TMEM179: variants seen among roughly 807,000 people sequenced by gnomAD.
TMEM179 encodes the protein transmembrane protein 179, also known as transmembrane protein 179A.
TMEM179 carries 17 observed loss-of-function variants against 22.2 expected under a neutral mutation model. The ratio of observed to expected loss-of-function variants is 0.77; its 90% confidence interval spans 0.52 to 1.15. TMEM179 has a LOEUF of 1.15. TMEM179 is among the 50% of genes most tolerant of loss of function. The pLI, the probability that TMEM179 is intolerant of heterozygous loss-of-function variation, is 0.00. For missense variants in TMEM179, 265 were observed against 313.6 expected (o/e 0.84, Z 1.17); for synonymous variants, 127 against 140.5 (o/e 0.90, Z 0.68).
Position 104,597,744 on chromosome 14 carries a change from C to T in TMEM179, c.306-617G>A, listed in dbSNP as rs760497234. Among the ~76,000 whole-genome samples the T allele has an allele frequency of 3.9e-5, 6 of 152,194 alleles. No individual in the cohort carries two copies. The highest frequency in any genetic ancestry group is 5.9e-5 in the Non-Finnish European group (4 of 68,040). ...GACCTCTAGCCTCCGGAAGTGTGAG[C>T]AGTAAATGCCTGTTGTTTACAAGAC... On this transcript the variant is annotated intron_variant, in intron 1 of 3. Coordinates refer to ENST00000556573, the MANE Select transcript of TMEM179 (RefSeq NM_001286389.2). This position sits in a 1 kb window ranked among gnomAD's most constrained non-coding sequence, Gnocchi z 4.8.
chr14:104,590,911 C>T lies in TMEM179; in HGVS notation c.*2568G>A. 1 of 164,516 alleles carries T rather than the reference C, an allele frequency of 6.1e-6. No individual in the cohort carries two copies. The highest frequency in any genetic ancestry group is 1.3e-5 in the Non-Finnish European group (1 of 74,756). 10.2% of individuals were successfully genotyped at this position (164,516 alleles called of 1,614,324 possible). A position where few individuals can be genotyped will look rare whatever the true frequency, so the allele number is the denominator to read the frequency against. ...CAGTTTAGCCAGAGTGGAATTAGAA[C>T]AGGGATATCATTAACAGCCAGCCAG... On this transcript the variant is annotated 3_prime_UTR_variant, in exon 4 of 4. Coordinates refer to ENST00000556573, the MANE Select transcript of TMEM179 (RefSeq NM_001286389.2).
At chr14:104,593,939 C>T in intron 3 of TMEM179, 1 of 909,434 alleles carries the variant, frequency 1.1e-6, no homozygotes, top group South Asian at 5.4e-5. Context: ...TCACTCCAGG[C>T]CGGCCAGAGG....
intron 3 of TMEM179, chr14:104,594,480 C>A (rs1424752844): frequency 8.1e-7 from 1 of 1,231,838 alleles, no homozygotes; most frequent in Non-Finnish European, 1.0e-6. Context: ...TCATCTGCCT[C>A]ATCTCCGTCT....
intron 1 of TMEM179, among the ~76,000 whole-genome samples, chr14:104,603,149 T>G (rs1887294460): frequency 6.6e-6 from 1 of 152,108 alleles, no homozygotes; most frequent in African/African-American, 2.4e-5. Flanking sequence ...GGATTCTCAT[T>G]CCTCCTCCAG....
At chr14:104,600,077 G>C (rs1221778390) in intron 1 of TMEM179, among the ~76,000 whole-genome samples, 1 of 152,220 alleles carries the variant, frequency 6.6e-6, no homozygotes. Flanking sequence ...CCCCAGGCTG[G>C]GGCCGCTGCC....
At position 104,597,109 on chromosome 14, in the gene TMEM179, G is replaced by A. The variant is rs774591014; in HGVS notation, c.324C>T (p.Phe108=). The A allele has an allele frequency of 3.1e-6, 5 of 1,600,510 alleles. No homozygotes were observed. The highest frequency in any genetic ancestry group is 4.3e-6 in the Non-Finnish European group (5 of 1,174,576). ...KGHEGSFFSA[F]LNLLVSAFVV... The stretch of plus-strand genomic sequence containing the variant: ...CGAAGGCGCTGACCAGGAGGTTCAG[G>A]AAGGCGGAGAAGAAGGAGCTGCAGC... The change falls in exon 2 of 4, where the codon TTC becomes TTT. Residue 108 remains phenylalanine, a synonymous_variant. Coordinates refer to ENST00000556573, the MANE Select transcript of TMEM179 (RefSeq NM_001286389.2). The surrounding 1 kb of genome is among the most constrained non-coding windows in gnomAD (Gnocchi z 4.8).
Position 104,604,365 on chromosome 14 carries a change from TCC to T in TMEM179, c.305+70_305+71del. The T allele has an allele frequency of 7.1e-7, 1 of 1,400,446 alleles. No individual in the cohort carries two copies. Among genetic ancestry groups the T allele is most frequent in the Non-Finnish European group, 9.3e-7 (1 of 1,080,536 alleles). The allele number at this position is 1,400,446 out of a possible 1,614,324, so 86.8% of individuals were successfully genotyped here. A position where few individuals can be genotyped will look rare whatever the true frequency, so the allele number is the denominator to read the frequency against. On this transcript the variant is annotated intron_variant, in intron 1 of 3. Coordinates refer to ENST00000556573, the MANE Select transcript of TMEM179 (RefSeq NM_001286389.2). This position sits in a 1 kb window ranked among gnomAD's most constrained non-coding sequence, Gnocchi z 4.6. ...TGAGAGACGGAGGGACTCGCGCGCC[TCC>T]CCGGGGAGGTGGGTCTGGGGGCGCT... is the stretch of plus-strand genomic sequence containing the variant.
intron 1 of TMEM179, among the ~76,000 whole-genome samples, chr14:104,601,022 G>A (rs1280029312): frequency 1.3e-5 from 2 of 152,208 alleles, no homozygotes; most frequent in South Asian, 2.1e-4. Flanking sequence ...AGTGGCCGTC[G>A]ATGGCCCTGA....
Position 104,597,090 on chromosome 14 carries a change from C to T in TMEM179, c.343G>A (p.Ala115Thr), listed in dbSNP as rs776030316. The T allele has an allele frequency of 1.6e-5, 25 of 1,606,148 alleles. No homozygotes were observed. Among genetic ancestry groups the T allele is most frequent in the East Asian group, 9.0e-5 (4 of 44,652 alleles). The change falls in exon 2 of 4, where the codon GCC (alanine) becomes ACC (threonine). Residue 115 changes from alanine to threonine, a missense_variant. By Grantham distance (58) the Ala-to-Thr change is moderately conservative. Transcript: ENST00000556573. This position sits in a 1 kb window ranked among gnomAD's most constrained non-coding sequence, Gnocchi z 4.8. ...ATGAAGACCAGGAAGACCACGAAGG[C>T]GCTGACCAGGAGGTTCAGGAAGGCG... The part of the protein sequence containing the change: ...FSAFLNLLVS[A>T]FVVFLVFIAS...
In TMEM179 at chr14:104,593,336, A is replaced by T. The variant is rs1478044645; in HGVS notation, c.*143T>A. 9.7e-7 allele frequency: 1 copy of T among 1,026,984 alleles called. No individual in the cohort carries two copies. Among genetic ancestry groups the T allele is most frequent in the Non-Finnish European group, 1.4e-6 (1 of 706,624 alleles). 63.6% of individuals were successfully genotyped at this position (1,026,984 alleles called of 1,614,324 possible). ...AGGTGGGCACTGGGGCGCTCACCTC[A>T]CTACACGTGGCGTCGAGGGGACACA... On this transcript the variant is annotated 3_prime_UTR_variant, in exon 4 of 4. Transcript: ENST00000556573.
rs992079417 is a variant in TMEM179 at position 104,593,424 on chromosome 14, G to T, written c.*55C>A. On this transcript the variant is annotated 3_prime_UTR_variant, in exon 4 of 4. Transcript: ENST00000556573. The stretch of plus-strand genomic sequence containing the variant: ...CCCAGCTGCTTCCCCAGGCAGGCCC[G>T]TGCCCCCGAGCGCAGCAGGGAGGTC... 1.0e-5 allele frequency: 16 copies of T among 1,525,648 alleles called. No individual in the cohort carries two copies. Among genetic ancestry groups the T allele is most frequent in the Non-Finnish European group, 1.4e-5 (16 of 1,142,960 alleles). The allele number at this position is 1,525,648 out of a possible 1,614,324, so 94.5% of individuals were successfully genotyped here.
Position 104,604,184 on chromosome 14 carries a change from G to C in TMEM179, c.305+253C>G, listed in dbSNP as rs1313097358. Among the ~76,000 whole-genome samples, 3 of 152,220 alleles carry C rather than the reference G, an allele frequency of 2.0e-5. No homozygotes were observed. Among genetic ancestry groups the C allele is most frequent in the Non-Finnish European group, 1.5e-5 (1 of 68,030 alleles). On this transcript the variant is annotated intron_variant, in intron 1 of 3. Transcript: ENST00000556573. The surrounding 1 kb of genome is among the most constrained non-coding windows in gnomAD (Gnocchi z 4.6). The stretch of plus-strand genomic sequence containing the variant: ...TGCAACCCAAGGGAGCAGATGCCCG[G>C]AAGCGGGAGGTGATGCGCAGCTGGG...
At position 104,604,531 on chromosome 14, in the gene TMEM179, A is replaced by AGGCGGCC. The variant is rs1887356118; in HGVS notation, c.204_210dup (p.Cys71GlyfsTer82). ...AGGCTGGCGAGCAGGCTGAAGCGGC[A>AGGCGGCC]GGCGGCCGGCGGGCCCCACTCCTGC... is the stretch of plus-strand genomic sequence containing the variant. On this transcript the variant is annotated frameshift_variant, in exon 1 of 4. Transcript: ENST00000556573. LOFTEE classifies it high-confidence loss of function. This position sits in a 1 kb window ranked among gnomAD's most constrained non-coding sequence, Gnocchi z 4.6. 2 of 1,546,788 alleles carry AGGCGGCC rather than the reference A, an allele frequency of 1.3e-6. No homozygotes were observed. Among genetic ancestry groups the AGGCGGCC allele is most frequent in the Non-Finnish European group, 8.7e-7 (1 of 1,149,930 alleles).
chr14:104,600,611 TACTCATTCATTCATTCATTCATTCATTC>T (rs1001148773), intron 1 of TMEM179, among the ~76,000 whole-genome samples: 1 of 150,854 alleles, frequency 6.6e-6, no homozygotes, highest in African/African-American at 2.5e-5. Flanking sequence ...TTCATTCATT[TACTCATTCATTCATTCATTCATTCATTC>T]ACTCATTCAC....
At position 104,604,713 on chromosome 14, in the gene TMEM179, T is replaced by C; in HGVS notation, c.29A>G (p.Gln10Arg). ...GAAGGCCAAGAAGTAGCAGGCGCAC[T>C]GAGCGAAAAGGAAATTGTTGAGCGC... MALNNFLFAQCACYFLAFLF... is the reference protein window; with the variant it reads MALNNFLFARCACYFLAFLF... The change falls in exon 1 of 4, where the codon CAG (glutamine) becomes CGG (arginine). Residue 10 changes from glutamine to arginine, a missense_variant. Physicochemically the swap from Gln to Arg is conservative, Grantham distance 43. Transcript: ENST00000556573. The surrounding 1 kb of genome is among the most constrained non-coding windows in gnomAD (Gnocchi z 4.6). 1 of 1,587,692 alleles carries C rather than the reference T, an allele frequency of 6.3e-7. No homozygotes were observed. The highest frequency in any genetic ancestry group is 8.6e-7 in the Non-Finnish European group (1 of 1,169,026).
rs760410158 is a variant in TMEM179, at chr14:104,595,061, G to A, written c.522+104C>T. On this transcript the variant is annotated intron_variant, in intron 3 of 3. Coordinates refer to ENST00000556573, the MANE Select transcript of TMEM179 (RefSeq NM_001286389.2). The surrounding 1 kb of genome is among the most constrained non-coding windows in gnomAD (Gnocchi z 5.7). ...ATTGCTAACTACCTTATCCACACAG[G>A]AGCCTGCCTCCTCCTCTGGATGGGG... 3.8e-6 allele frequency: 6 copies of A among 1,580,938 alleles called. No individual in the cohort carries two copies. The African/African-American group carries it at 5.4e-5, about 14-fold the overall frequency.
rs1887056271 is a variant in TMEM179 at position 104,597,146 on chromosome 14, G to A, written c.306-19C>T. ...GAAGGAGCTGCAGCCAGAAACAGGA[G>A]GGGCAGGCTCACTGGACACCACCTC... On this transcript the variant is annotated intron_variant, in intron 1 of 3. Coordinates refer to ENST00000556573, the MANE Select transcript of TMEM179 (RefSeq NM_001286389.2). The surrounding 1 kb of genome is among the most constrained non-coding windows in gnomAD (Gnocchi z 4.8). 12 of 1,570,832 alleles carry A rather than the reference G, an allele frequency of 7.6e-6. No individual in the cohort carries two copies. Among genetic ancestry groups the A allele is most frequent in the African/African-American group, 1.3e-5 (1 of 74,154 alleles).
In TMEM179 at chr14:104,591,725, C is replaced by G; in HGVS notation, c.*1754G>C. On this transcript the variant is annotated 3_prime_UTR_variant, in exon 4 of 4. Transcript: ENST00000556573. Reference sequence around the variant, plus strand: ...AGGCTGGTGCCCAGCCACCCAGAGACACAAGCCAGCTGCTGATGGTGGACA... The same window carrying G: ...AGGCTGGTGCCCAGCCACCCAGAGAGACAAGCCAGCTGCTGATGGTGGACA... 3.4e-6 allele frequency: 1 copy of G among 291,080 alleles called. No homozygotes were observed. The highest frequency in any genetic ancestry group is 6.7e-6 in the Non-Finnish European group (1 of 149,896). The allele number at this position is 291,080 out of a possible 1,614,324, so 18.0% of individuals were successfully genotyped here.
At chr14:104,602,757 G>T (rs1327661317) in intron 1 of TMEM179, among the ~76,000 whole-genome samples, 1 of 152,166 alleles carries the variant, frequency 6.6e-6, no homozygotes, top group Non-Finnish European at 1.5e-5. Context: ...CACAATTTGG[G>T]CCCATGGCCC....
Sources: gnomAD v4.1 joint callset for allele counts (sites outside exome capture counted in the v4.1 genomes callset) on GRCh38, gnomAD v4.1.1 for gene constraint, Gnocchi (gnomAD v3.1) non-coding constraint, MANE v1.5 for transcripts, NCBI Gene and HGNC (gene_info 2026-07-23, HGNC 2026-07-21) for gene names.